LSM14A: variants seen among roughly 807,000 people sequenced by gnomAD.
The protein encoded by LSM14A is LSM14A mRNA processing body assembly factor, also known as protein LSM14 homolog A.
LSM14A carries 14 observed loss-of-function variants against 52.4 expected under a neutral mutation model. That is an observed-to-expected ratio of 0.27 (90% CI 0.18 to 0.42). The LOEUF (loss-of-function observed/expected upper bound fraction) is 0.42, where lower values mean the gene tolerates loss of function less well. Among genes scored for constraint, LSM14A ranks in the 10% least tolerant of loss-of-function variants. LSM14A has a pLI of 1.00. For missense variants in LSM14A, 417 were observed against 581.8 expected (o/e 0.72, Z 2.91); for synonymous variants, 185 against 200.3 (o/e 0.92, Z 0.64).
At chr19:34,205,965 T>C (rs1325248348) in intron 3 of LSM14A, among the ~76,000 whole-genome samples, 1 of 152,144 alleles carries the variant, frequency 6.6e-6, no homozygotes, top group Non-Finnish European at 1.5e-5. Flanking sequence ...GACGTCAGTA[T>C]AGACCTTAAA....
chr19:34,202,956 G>A (rs1024417899), intron 3 of LSM14A, among the ~76,000 whole-genome samples: 4 of 152,004 alleles, frequency 2.6e-5, no homozygotes, highest in Admixed American at 6.6e-5. Context: ...CGCGCCTGGC[G>A]GACTTTTCTT....
chr19:34,221,800 T>G lies in LSM14A; in HGVS notation c.1368+62T>G, dbSNP rs2073083635. The G allele has an allele frequency of 2.0e-6, 3 of 1,531,356 alleles. No individual in the cohort carries two copies. In the Admixed American group the frequency reaches 6.3e-5, roughly 32 times the overall value. The allele number at this position is 1,531,356 out of a possible 1,614,324, so 94.9% of individuals were successfully genotyped here. A position where few individuals can be genotyped will look rare whatever the true frequency, so the allele number is the denominator to read the frequency against. Reference sequence around the variant, plus strand: ...ATGCATTTTACAAGACTCAAAACATTTTTACTTGTTTTTGTTTTGGGTGAA... The same window carrying G: ...ATGCATTTTACAAGACTCAAAACATGTTTACTTGTTTTTGTTTTGGGTGAA... On this transcript the variant is annotated intron_variant, in intron 9 of 9. Transcript: ENST00000544216.
intron 1 of LSM14A, among the ~76,000 whole-genome samples, chr19:34,184,419 T>A (rs2069734769): frequency 6.6e-6 from 1 of 152,264 alleles, no homozygotes; most frequent in Non-Finnish European, 1.5e-5. Flanking sequence ...CTTGCATTTT[T>A]AGAAACCTTA....
At chr19:34,223,887 C>T (rs2145899951) in intron 9 of LSM14A, among the ~76,000 whole-genome samples, 1 of 152,318 alleles carries the variant, frequency 6.6e-6, no homozygotes, top group African/African-American at 2.4e-5. Context: ...GAAATAACAC[C>T]TTTTAAAGAT....
At chr19:34,206,467 GA>G (rs2071703669) in intron 3 of LSM14A, among the ~76,000 whole-genome samples, 1 of 150,746 alleles carries the variant, frequency 6.6e-6, no homozygotes, top group African/African-American at 2.4e-5. Flanking sequence ...AGGAGATCGA[GA>G]CCAGCCCAGC....
intron 3 of LSM14A, among the ~76,000 whole-genome samples, chr19:34,200,012 A>G (rs560780482): frequency 6.6e-6 from 1 of 152,314 alleles, no homozygotes; most frequent in East Asian, 1.9e-4. Flanking sequence ...TGAGTGCTCA[A>G]GTTTAGCATT....
At chr19:34,212,458 A>G (rs939802671) in intron 4 of LSM14A, among the ~76,000 whole-genome samples, 3 of 152,218 alleles carry the variant, frequency 2.0e-5, no homozygotes, top group Non-Finnish European at 4.4e-5. Flanking sequence ...AGCACCAAAA[A>G]ATATATAAAT....
At chr19:34,219,139 C>T (rs1389771936) in intron 6 of LSM14A, among the ~76,000 whole-genome samples, 1 of 152,198 alleles carries the variant, frequency 6.6e-6, no homozygotes, top group Non-Finnish European at 1.5e-5. Flanking sequence ...GTCAGTAACA[C>T]ATGTGAGTGT....
chr19:34,184,337 G>T (rs540386011), intron 1 of LSM14A, among the ~76,000 whole-genome samples: 66 of 152,280 alleles, frequency 4.3e-4, no homozygotes, highest in African/African-American at 1.6e-3. Context: ...ATAGGCATGA[G>T]CCACTGCGCC....
chr19:34,214,912 T>C (rs2072463489), intron 4 of LSM14A, among the ~76,000 whole-genome samples: 2 of 151,994 alleles, frequency 1.3e-5, no homozygotes, highest in Admixed American at 1.3e-4. Context: ...TGTTGAAGTT[T>C]TTTTTTAAAT....
chr19:34,225,340 T>G (rs944077401), intron 9 of LSM14A, among the ~76,000 whole-genome samples: 1 of 151,532 alleles, frequency 6.6e-6, no homozygotes, highest in Non-Finnish European at 1.5e-5. Context: ...ATAAAATCAT[T>G]TCACCTGGCA....
At chr19:34,179,070 A>C (rs979938511) in intron 1 of LSM14A, among the ~76,000 whole-genome samples, 1 of 152,240 alleles carries the variant, frequency 6.6e-6, no homozygotes, top group African/African-American at 2.4e-5. Flanking sequence ...AAATTCTTAC[A>C]TTTAGTTAGC....
chr19:34,189,656 G>A (rs931268504), intron 1 of LSM14A, among the ~76,000 whole-genome samples: 1 of 152,140 alleles, frequency 6.6e-6, no homozygotes, highest in African/African-American at 2.4e-5. Context: ...ACATAGTTCA[G>A]ATTTTGCCAG....
chr19:34,196,222 G>A (rs2070825886), intron 2 of LSM14A, among the ~76,000 whole-genome samples: 1 of 152,004 alleles, frequency 6.6e-6, no homozygotes, highest in African/African-American at 2.4e-5. Context: ...TTTAATAGTA[G>A]GCCTCAAATG....
At chr19:34,181,896 A>G (rs2069505515) in intron 1 of LSM14A, among the ~76,000 whole-genome samples, 1 of 152,130 alleles carries the variant, frequency 6.6e-6, no homozygotes, top group African/African-American at 2.4e-5. Flanking sequence ...TCAATTCAGC[A>G]TGCTCCAAAC....
chr19:34,221,677 G>T lies in LSM14A; in HGVS notation c.1307G>T (p.Gly436Val), dbSNP rs770841442. 2 of 1,614,174 alleles carry T rather than the reference G, an allele frequency of 1.2e-6. No homozygotes were observed. The highest frequency in any genetic ancestry group is 1.7e-6 in the Non-Finnish European group (2 of 1,180,026). ...GGTGGTACCTTCACTGCCCCTCGAG[G>T]ATTTCGCGGTGGATTCAGAGGAGGT... ...GRGGTFTAPR[G>V]FRGGFRGGRG... Residue 436 changes from glycine (G) to valine (V), a missense_variant, in exon 9 of 10, where the codon GGA becomes GTA. Coordinates refer to ENST00000544216, the MANE Select transcript of LSM14A (RefSeq NM_015578.4).
chr19:34,226,052 G>A (rs1381988879), intron 9 of LSM14A, among the ~76,000 whole-genome samples: 1 of 151,050 alleles, frequency 6.6e-6, no homozygotes. Flanking sequence ...ACAGAGCGAG[G>A]CCTGTCTCAA....
chr19:34,222,120 C>G (rs533494415), intron 9 of LSM14A, among the ~76,000 whole-genome samples: 1 of 152,226 alleles, frequency 6.6e-6, no homozygotes, highest in East Asian at 1.9e-4. Context: ...AACTGCACAT[C>G]AACTCTGTGA....
intron 8 of LSM14A, 28 bp downstream of exon 8, chr19:34,219,905 T>G (rs2072935128): frequency 3.4e-6 from 5 of 1,482,344 alleles, no homozygotes; most frequent in Non-Finnish European, 4.7e-6. Context: ...TTCTTTTATC[T>G]TATGATATTG....
Sources: allele counts gnomAD v4.1 joint callset (sites outside exome capture counted in the v4.1 genomes callset), GRCh38; gene constraint gnomAD v4.1.1; transcripts MANE v1.5; gene names NCBI Gene and HGNC (gene_info 2026-07-23, HGNC 2026-07-21).